NSFL1C: variants seen among roughly 807,000 people sequenced by gnomAD.
NSFL1C encodes NSFL1 cofactor p47.
Under a neutral mutation model 43.1 loss-of-function variants are expected in NSFL1C, and 14 were observed. That is an observed-to-expected ratio of 0.32 (90% CI 0.21 to 0.51). The LOEUF (loss-of-function observed/expected upper bound fraction) is 0.51, where lower values mean the gene tolerates loss of function less well. NSFL1C is among the 20% of genes least tolerant of loss of function. The pLI is 0.98. For missense variants in NSFL1C, 406 were observed against 472.5 expected, an observed-to-expected ratio of 0.86 and a Z score of 1.30; for synonymous variants, 171 against 183.5, an observed-to-expected ratio of 0.93 and a Z score of 0.55.
chr20:1,447,135 AGAG>A (rs1031991362), intron 7 of NSFL1C, among the ~76,000 whole-genome samples: 2 of 152,240 alleles, frequency 1.3e-5, no homozygotes, highest in African/African-American at 4.8e-5. Context: ...AGTAGAGCTC[AGAG>A]GAGAATGTCA....
intron 7 of NSFL1C, among the ~76,000 whole-genome samples, chr20:1,447,136 G>A (rs1180271717): frequency 6.6e-6 from 1 of 152,200 alleles, no homozygotes; most frequent in Non-Finnish European, 1.5e-5. Flanking sequence ...GTAGAGCTCA[G>A]AGGAGAATGT....
chr20:1,456,169 G>A (rs576627757), intron 3 of NSFL1C: 6 of 186,908 alleles, frequency 3.2e-5, no homozygotes, highest in East Asian at 1.4e-4. Flanking sequence ...CACAGGCCCC[G>A]ACAAGGACAA....
chr20:1,461,831 A>T (rs2090417695), intron 2 of NSFL1C, among the ~76,000 whole-genome samples: 1 of 152,160 alleles, frequency 6.6e-6, no homozygotes, highest in Admixed American at 6.5e-5. Flanking sequence ...GACTAAAAAG[A>T]TGTTCATGTA....
At chr20:1,459,718 G>A (rs1303241968) in intron 2 of NSFL1C, among the ~76,000 whole-genome samples, 3 of 152,072 alleles carry the variant, frequency 2.0e-5, no homozygotes, top group Admixed American at 6.5e-5. Context: ...ACAGTCTGCC[G>A]GGCATTCCTT....
At chr20:1,452,775 C>A in intron 6 of NSFL1C, 145 bp from the exon 7 acceptor site, 1 of 993,160 alleles carries the variant, frequency 1.0e-6, no homozygotes, top group Admixed American at 2.4e-5. Flanking sequence ...GGCTACCTGT[C>A]TGCCTCCACC....
chr20:1,466,127 G>A (rs1239239443), intron 1 of NSFL1C, among the ~76,000 whole-genome samples: 11 of 152,242 alleles, frequency 7.2e-5, no homozygotes, highest in Non-Finnish European at 1.6e-4. Flanking sequence ...TGAAGCTTAA[G>A]TCTTCTTAGC....
chr20:1,462,059 G>C (rs1243292504), intron 2 of NSFL1C, among the ~76,000 whole-genome samples: 1 of 152,124 alleles, frequency 6.6e-6, no homozygotes, highest in Non-Finnish European at 1.5e-5. Flanking sequence ...ACCTTCTCAC[G>C]CTCATTTCAT....
chr20:1,456,811 T>G (rs2090311150), intron 3 of NSFL1C: 1 of 152,158 alleles, frequency 6.6e-6, no homozygotes, highest in South Asian at 2.1e-4. Context: ...ACAAAAATGT[T>G]CATAGCACTG....
At chr20:1,460,923 T>C (rs1399732187) in intron 2 of NSFL1C, among the ~76,000 whole-genome samples, 1 of 152,194 alleles carries the variant, frequency 6.6e-6, no homozygotes, top group African/African-American at 2.4e-5. Flanking sequence ...TGACCCTGCA[T>C]ACAGGGGTGG....
chr20:1,461,609 G>C (rs2090413285), intron 2 of NSFL1C, among the ~76,000 whole-genome samples: 1 of 152,220 alleles, frequency 6.6e-6, no homozygotes, highest in Non-Finnish European at 1.5e-5. Context: ...GGAGGACTTT[G>C]AATGTCCACA....
intron 3 of NSFL1C, 124 bp from the exon 4 acceptor site, chr20:1,455,256 C>T: frequency 8.7e-7 from 1 of 1,154,116 alleles, no homozygotes; most frequent in Non-Finnish European, 1.3e-6. Flanking sequence ...AATTTACTGG[C>T]TAGTTGGGAA....
intron 1 of NSFL1C, among the ~76,000 whole-genome samples, chr20:1,466,379 C>T (rs539336093): frequency 3.3e-5 from 5 of 152,350 alleles, no homozygotes; most frequent in African/African-American, 1.2e-4. Context: ...GCTGCTCACT[C>T]GGACCAGCCC....
At chr20:1,444,164 C>T (rs2090008630) in intron 8 of NSFL1C, among the ~76,000 whole-genome samples, 1 of 152,212 alleles carries the variant, frequency 6.6e-6, no homozygotes, top group South Asian at 2.1e-4. Context: ...CCTCTTTCCC[C>T]TCGTTCTCTT....
intron 7 of NSFL1C, among the ~76,000 whole-genome samples, chr20:1,448,879 G>C (rs983404588): frequency 3.3e-5 from 5 of 152,184 alleles, no homozygotes; most frequent in African/African-American, 1.2e-4. Flanking sequence ...CCACTCTCCT[G>C]TTGGGCCTTA....
At chr20:1,464,474 T>A in intron 1 of NSFL1C, 48 bp from the exon 2 acceptor site, 1 of 1,452,140 alleles carries the variant, frequency 6.9e-7, no homozygotes, top group Non-Finnish European at 9.7e-7. Context: ...GGCCTTCACC[T>A]AACGCACATC....
intron 2 of NSFL1C, among the ~76,000 whole-genome samples, chr20:1,461,724 A>G (rs2122951291): frequency 1.3e-5 from 2 of 152,304 alleles, no homozygotes; most frequent in South Asian, 2.1e-4. Flanking sequence ...TTGGAAAGAT[A>G]CCCAACTTCA....
rs1290616461 is a variant in NSFL1C at position 1,452,637 on chromosome 20, A to C, written c.648-7T>G. The C allele has an allele frequency of 6.2e-7, 1 of 1,613,960 alleles. No individual in the cohort carries two copies. ...AAGCTCTGCTGGCACCTCCCTGTGGAAGAAAAGGCCATGCTGAGGTCCACA... is the reference window on the plus strand; with the variant it reads ...AAGCTCTGCTGGCACCTCCCTGTGGCAGAAAAGGCCATGCTGAGGTCCACA... On this transcript the variant is annotated splice_polypyrimidine_tract_variant and splice_region_variant and intron_variant, in intron 6 of 8. Coordinates refer to ENST00000216879, the MANE Select transcript of NSFL1C (RefSeq NM_016143.5).
intron 2 of NSFL1C, 100 bp downstream of exon 2, chr20:1,464,229 G>C (rs2090466016): frequency 1.0e-6 from 1 of 974,912 alleles, no homozygotes; most frequent in East Asian, 2.4e-5. Context: ...TTCTCATTCA[G>C]ACCTGGTCCA....
At chr20:1,448,945 A>G (rs1450880021) in intron 7 of NSFL1C, among the ~76,000 whole-genome samples, 1 of 152,240 alleles carries the variant, frequency 6.6e-6, no homozygotes, top group African/African-American at 2.4e-5. Flanking sequence ...TCAATAAAAC[A>G]GAGTTAAAAC....
Sources: allele counts gnomAD v4.1 joint callset (sites outside exome capture counted in the v4.1 genomes callset), GRCh38; gene constraint gnomAD v4.1.1; transcripts MANE v1.5; gene names NCBI Gene and HGNC (gene_info 2026-07-23, HGNC 2026-07-21).